The following ATXN7 variants were observed in gnomAD, a reference collection of about 807,000 sequenced individuals.
ATXN7 encodes the protein ataxin-7.
ATXN7 carries 12 observed loss-of-function variants against 70.5 expected under a neutral mutation model. The observed-to-expected ratio is 0.17, with a 90% CI of 0.11 to 0.28. The LOEUF is 0.28. Among genes scored for constraint, ATXN7 ranks in the 10% least tolerant of loss-of-function variants. ATXN7 has a pLI of 1.00. For missense variants in ATXN7, 1,256 were observed against 1,131.7 expected (o/e 1.11, Z -1.58); for synonymous variants, 498 against 448.7 (o/e 1.11, Z -1.39).
At chr3:63,870,277 C>G (rs1204675444) in intron 1 of ATXN7, among the ~76,000 whole-genome samples, 1 of 152,130 alleles carries the variant, frequency 6.6e-6, no homozygotes, top group East Asian at 1.9e-4. Flanking sequence ...TCATTCTTAG[C>G]TCCTGTTATA....
chr3:63,877,097 G>T (rs938210144), intron 1 of ATXN7, among the ~76,000 whole-genome samples: 1 of 152,104 alleles, frequency 6.6e-6, no homozygotes, highest in Non-Finnish European at 1.5e-5. Flanking sequence ...TAGAATGATT[G>T]TACTATTGAA....
intron 4 of ATXN7, among the ~76,000 whole-genome samples, chr3:63,941,527 A>G (rs1214473200): frequency 6.6e-6 from 1 of 152,220 alleles, no homozygotes; most frequent in Non-Finnish European, 1.5e-5. Flanking sequence ...CCCCAGTCCC[A>G]TGGAAAAATT....
rs141222557 is a variant in ATXN7, at chr3:63,957,441, A to G, written c.499+4958A>G. Among the ~76,000 whole-genome samples the G allele has an allele frequency of 6.4e-3, 981 of 152,312 alleles. 5 individuals are homozygous for G. Among genetic ancestry groups the G allele is most frequent in the Non-Finnish European group, 8.0e-3 (542 of 68,024 alleles). ...GCTGGTTTTATCATCTGCTGACTTA[A>G]TTCCACTTAGTATTTTTCTTTAAAT... On this transcript the variant is annotated intron_variant, in intron 5 of 12. Transcript: ENST00000674280.
chr3:63,972,256 A>G (rs552427042), intron 5 of ATXN7, among the ~76,000 whole-genome samples: 17 of 152,324 alleles, frequency 1.1e-4, no homozygotes, highest in African/African-American at 3.8e-4. Context: ...CTGGCCAAAG[A>G]CTGTGTGCAT....
rs1702325082 is a variant in ATXN7 at position 63,864,057 on chromosome 3, C to T, written c.-212C>T. On this transcript the variant is annotated 5_prime_UTR_variant, in exon 1 of 13. Coordinates refer to ENST00000674280, the MANE Select transcript of ATXN7 (RefSeq NM_001377405.1). ...GCGAGTTGGGGCGAGGCTTGGCGGC[C>T]GGCGGCGGCCCCGGCTGCAGCCCGG... Among the ~76,000 whole-genome samples, 1 of 145,258 alleles carries T rather than the reference C, an allele frequency of 6.9e-6. No individual in the cohort carries two copies. The highest frequency in any genetic ancestry group is 2.5e-5 in the African/African-American group (1 of 40,602).
At chr3:63,997,646 C>A in intron 12 of ATXN7, 1 of 1,552,226 alleles carries the variant, frequency 6.4e-7, no homozygotes, top group Non-Finnish European at 8.7e-7. Flanking sequence ...TGCTTACGAA[C>A]AGGAATTTCA....
chr3:63,923,642 C>CA (rs555247790), intron 4 of ATXN7, among the ~76,000 whole-genome samples: 2 of 151,598 alleles, frequency 1.3e-5, no homozygotes, highest in African/African-American at 4.8e-5. Flanking sequence ...CCCATCTCTA[C>CA]AAAAAAAATT....
chr3:63,916,292 G>T (rs753857895), intron 4 of ATXN7, among the ~76,000 whole-genome samples: 7 of 152,120 alleles, frequency 4.6e-5, no homozygotes, highest in South Asian at 2.1e-4. Context: ...TAGGTACAGG[G>T]TTTTAAAATC....
upstream of ATXN7, chr3:63,863,322 C>T (rs1702277661): frequency 7.4e-6 from 4 of 543,762 alleles, no homozygotes; most frequent in South Asian, 7.9e-5. Context: ...CAGACCTCCA[C>T]AAACCTTCCA....
At chr3:63,902,128 G>A (rs1246016749) in intron 2 of ATXN7, 1 of 152,186 alleles carries the variant, frequency 6.6e-6, no homozygotes, top group Non-Finnish European at 1.5e-5. Context: ...ATGGTTAAAG[G>A]CCAGTTGCAG....
chr3:63,880,566 A>G (rs1337700831), intron 1 of ATXN7, among the ~76,000 whole-genome samples: 1 of 152,078 alleles, frequency 6.6e-6, no homozygotes, highest in Non-Finnish European at 1.5e-5. Flanking sequence ...CTGTCTCACC[A>G]AGTGCTCTGG....
chr3:63,990,368 A>G lies in ATXN7; in HGVS notation c.1554A>G (p.Pro518=), dbSNP rs2075650083. 4 of 1,614,198 alleles carry G rather than the reference A, an allele frequency of 2.5e-6. No homozygotes were observed. The highest frequency in any genetic ancestry group is 3.4e-6 in the Non-Finnish European group (4 of 1,180,044). ...ATTATTCAGGTCATCATCCTCAGCC[A>G]GCATCTGTAAGTTCCACGTCCACCC... is the stretch of plus-strand genomic sequence containing the variant. The part of the protein sequence containing the change: ...DCHYSGHHPQ[P]ASFCTFGSRQ... The change falls in exon 10 of 13, where the codon CCA becomes CCG. Residue 518 remains proline, a synonymous_variant. Transcript: ENST00000674280.
At chr3:63,882,460 C>T (rs890408428) in intron 1 of ATXN7, among the ~76,000 whole-genome samples, 5 of 150,644 alleles carry the variant, frequency 3.3e-5, no homozygotes, top group Non-Finnish European at 5.9e-5. Flanking sequence ...TCTTGGCTCA[C>T]TGCAACCTCC....
At chr3:63,910,613 T>A (rs1703978958) in intron 2 of ATXN7, among the ~76,000 whole-genome samples, 1 of 152,178 alleles carries the variant, frequency 6.6e-6, no homozygotes, top group Non-Finnish European at 1.5e-5. Flanking sequence ...GAATTATATG[T>A]TTTACTCCTG....
At chr3:63,984,765 C>A (rs1173386725) in intron 8 of ATXN7, among the ~76,000 whole-genome samples, 2 of 152,210 alleles carry the variant, frequency 1.3e-5, no homozygotes, top group African/African-American at 2.4e-5. Flanking sequence ...ACTTTATGCT[C>A]ATTGATTAGT....
intron 11 of ATXN7, among the ~76,000 whole-genome samples, chr3:63,992,041 TCCAGTAATCC>T (rs953506022): frequency 3.3e-5 from 5 of 152,182 alleles, no homozygotes; most frequent in African/African-American, 1.2e-4. Context: ...AAAGTGACTG[TCCAGTAATCC>T]CCAGGCCATC....
intron 4 of ATXN7, among the ~76,000 whole-genome samples, chr3:63,944,575 A>C (rs2074825341): frequency 6.6e-6 from 1 of 152,154 alleles, no homozygotes; most frequent in African/African-American, 2.4e-5. Flanking sequence ...TGCAGTTTAA[A>C]ACTTAGAAGT....
intron 1 of ATXN7, among the ~76,000 whole-genome samples, chr3:63,885,693 T>C (rs887080661): frequency 6.6e-6 from 1 of 152,170 alleles, no homozygotes; most frequent in African/African-American, 2.4e-5. Flanking sequence ...TCAATCTTGG[T>C]ATCCATCAAT....
intron 1 of ATXN7, among the ~76,000 whole-genome samples, chr3:63,896,878 C>T (rs545359643): frequency 6.6e-6 from 1 of 152,238 alleles, no homozygotes; most frequent in South Asian, 2.1e-4. Flanking sequence ...CTGATGACTT[C>T]CTTGGATACT....
Sources: gnomAD v4.1 joint callset for allele counts (sites outside exome capture counted in the v4.1 genomes callset) on GRCh38, gnomAD v4.1.1 for gene constraint, MANE v1.5 for transcripts, NCBI Gene and HGNC (gene_info 2026-07-23, HGNC 2026-07-21) for gene names.